The following TRIM33 variants were observed in gnomAD, a reference collection of about 807,000 sequenced individuals.
The protein encoded by TRIM33 is tripartite motif containing 33, also known as E3 ubiquitin-protein ligase TRIM33.
Under a neutral mutation model 125.4 loss-of-function variants are expected in TRIM33, and 20 were observed. The observed-to-expected ratio is 0.16, with a 90% CI of 0.11 to 0.23. The LOEUF is 0.23. Among genes scored for constraint, TRIM33 ranks in the 10% least tolerant of loss-of-function variants. TRIM33 has a pLI of 1.00. For synonymous variants in TRIM33, 564 were observed against 513.9 expected (o/e 1.10, Z -1.32); for missense variants, 920 against 1,411.4 (o/e 0.65, Z 5.58).
At chr1:114,461,288 ATAT>A (rs1649979081) in intron 4 of TRIM33, among the ~76,000 whole-genome samples, 1 of 134,352 alleles carries the variant, frequency 7.4e-6, no homozygotes, top group African/African-American at 2.8e-5. Context: ...TTATTATTAT[ATAT>A]TTATATATTA....
chr1:114,425,526 G>A lies in TRIM33; in HGVS notation c.1618C>T (p.Pro540Ser), dbSNP rs771948580. ...QLQQMRMQQP[P>S]APVPTTTTTT... ...GTTGTTGTAGTTGGTACAGGTGCTGGTGGTTGCTGCATCCTCATCTGTTGC... is the reference window on the plus strand; with the variant it reads ...GTTGTTGTAGTTGGTACAGGTGCTGATGGTTGCTGCATCCTCATCTGTTGC... Residue 540 changes from proline (P) to serine (S), a missense_variant, in exon 9 of 20, where the codon CCA becomes TCA. Around this residue, in one of 8 missense-constraint regions of TRIM33, gnomAD observed 407 missense variants for 589.7 expected, o/e 0.69. Coordinates refer to ENST00000358465, the MANE Select transcript of TRIM33 (RefSeq NM_015906.4). 1 of 1,614,122 alleles carries A rather than the reference G, an allele frequency of 6.2e-7. No individual in the cohort carries two copies. The highest frequency in any genetic ancestry group is 8.5e-7 in the Non-Finnish European group (1 of 1,180,004).
At chr1:114,451,690 T>C (rs1411028086) in intron 4 of TRIM33, among the ~76,000 whole-genome samples, 1 of 151,780 alleles carries the variant, frequency 6.6e-6, no homozygotes, top group African/African-American at 2.4e-5. Flanking sequence ...CAGCCAATAA[T>C]AGCTAAACTG....
At position 114,397,606 on chromosome 1, in the gene TRIM33, C is replaced by CTTT; in HGVS notation, c.*41_*42insAAA. 9 of 289,426 alleles carry CTTT rather than the reference C, an allele frequency of 3.1e-5. No homozygotes were observed. The highest frequency in any genetic ancestry group is 1.5e-4 in the South Asian group (2 of 13,336). The allele number at this position is 289,426 out of a possible 1,614,324, so 17.9% of individuals were successfully genotyped here. On this transcript the variant is annotated 3_prime_UTR_variant, in exon 20 of 20. Coordinates refer to ENST00000358465, the MANE Select transcript of TRIM33 (RefSeq NM_015906.4). Reference sequence around the variant, plus strand: ...TTTTTTGTGTTTTTTTTTTTTTTTTCGTTTTTTTTTTTTTAAACAATTGAT... The same window carrying CTTT: ...TTTTTTGTGTTTTTTTTTTTTTTTTCTTTGTTTTTTTTTTTTTAAACAATTGAT...
intron 1 of TRIM33, among the ~76,000 whole-genome samples, chr1:114,469,906 T>C (rs1317124116): frequency 6.6e-6 from 1 of 152,206 alleles, no homozygotes; most frequent in Non-Finnish European, 1.5e-5. Flanking sequence ...AAATAATTTA[T>C]AATAAAAATG....
Position 114,427,790 on chromosome 1 carries a change from A to G in TRIM33, c.1260T>C (p.Ile420=), listed in dbSNP as rs765231917. The change falls in exon 7 of 20, where the codon ATT becomes ATC. Residue 420 remains isoleucine (I), a synonymous_variant. Transcript: ENST00000358465. ...GTAGTGCTGTGCTGCTGCCACTTGCAATTGCCCAATTTGTGAAGTTCATAA... is the reference window on the plus strand; with the variant it reads ...GTAGTGCTGTGCTGCTGCCACTTGCGATTGCCCAATTTGTGAAGTTCATAA... ...KHVMNFTNWA[I]ASGSSTALLY... 2 of 1,614,152 alleles carry G rather than the reference A, an allele frequency of 1.2e-6. No homozygotes were observed. Among genetic ancestry groups the G allele is most frequent in the South Asian group, 2.2e-5 (2 of 91,090 alleles).
chr1:114,406,992 T>C lies in TRIM33; in HGVS notation c.2367A>G (p.Ser789=), dbSNP rs1652287156. The change falls in exon 14 of 20, where the codon TCA becomes TCG. Residue 789 remains serine, a synonymous_variant. Coordinates refer to ENST00000358465, the MANE Select transcript of TRIM33 (RefSeq NM_015906.4). ...PGTEDEICSF[S]GGVKQEKTED... ...CTGTTTTTTCTTGTTTTACACCTCC[T>C]GAAAAGCTACATATTTCATCTTCAG... The C allele has an allele frequency of 1.2e-6, 2 of 1,614,068 alleles. No individual in the cohort carries two copies. Among genetic ancestry groups the C allele is most frequent in the East Asian group, 2.2e-5 (1 of 44,870 alleles).
In TRIM33 at chr1:114,406,873, T is replaced by C. The variant is rs193178639; in HGVS notation, c.2418+68A>G. ...CTAGACCCACTACTTAGTCTTAATA[T>C]ACTCAGAGCTGAAAGAATCAATGAA... On this transcript the variant is annotated intron_variant, in intron 14 of 19. Transcript: ENST00000358465. 7.4e-5 allele frequency: 109 copies of C among 1,472,488 alleles called. No individual in the cohort carries two copies. The African/African-American group carries it at 1.4e-3, about 19-fold the overall frequency. 91.2% of individuals were successfully genotyped at this position (1,472,488 alleles called of 1,614,324 possible).
chr1:114,504,148 T>C (rs1477370604), intron 1 of TRIM33, among the ~76,000 whole-genome samples: 4 of 151,050 alleles, frequency 2.6e-5, no homozygotes, highest in African/African-American at 7.3e-5. Flanking sequence ...GCCATTATCC[T>C]TTTTTTTTAT....
chr1:114,474,662 C>G (rs1342241628), intron 1 of TRIM33, among the ~76,000 whole-genome samples: 1 of 149,708 alleles, frequency 6.7e-6, no homozygotes. Flanking sequence ...GAGGCCAAGG[C>G]AGGCAGATCA....
At chr1:114,497,793 T>C (rs1054770522) in intron 1 of TRIM33, among the ~76,000 whole-genome samples, 1 of 151,052 alleles carries the variant, frequency 6.6e-6, no homozygotes, top group South Asian at 2.1e-4. Flanking sequence ...GAATCTTCCA[T>C]CAGAACTGTA....
chr1:114,444,512 C>G (rs1031392656), intron 4 of TRIM33, among the ~76,000 whole-genome samples: 2 of 152,154 alleles, frequency 1.3e-5, no homozygotes, highest in Non-Finnish European at 2.9e-5. Context: ...GTAAGCTGTA[C>G]CTTAGGCCTG....
intron 1 of TRIM33, among the ~76,000 whole-genome samples, chr1:114,471,741 C>G (rs116005633): frequency 0.02 from 3,017 of 152,128 alleles, 93 homozygotes; most frequent in African/African-American, 0.069. Context: ...TACTGTACAA[C>G]AATGAAGGAC....
intron 1 of TRIM33, among the ~76,000 whole-genome samples, chr1:114,496,355 T>C (rs1239622325): frequency 6.6e-6 from 1 of 152,246 alleles, no homozygotes; most frequent in African/African-American, 2.4e-5. Context: ...GTGGAATTCA[T>C]TCTGGCAGTC....
At chr1:114,441,612 C>G (rs1273582610) in intron 4 of TRIM33, among the ~76,000 whole-genome samples, 1 of 152,152 alleles carries the variant, frequency 6.6e-6, no homozygotes, top group Non-Finnish European at 1.5e-5. Context: ...TGTAAATAAT[C>G]AGAGGTAAAG....
rs528656811 is a variant in TRIM33, at chr1:114,505,850, G to A, written c.526+4701C>T. Among the ~76,000 whole-genome samples, 5 of 152,286 alleles carry A rather than the reference G, an allele frequency of 3.3e-5. No individual in the cohort carries two copies. The South Asian group carries it at 6.2e-4, about 19-fold the overall frequency. On this transcript the variant is annotated intron_variant, in intron 1 of 19. Transcript: ENST00000358465. ...CCCAAAGTGCTGGGATCACAGGCAT[G>A]AGCCACTGTGCCCAGTCCACAGTAA... is the stretch of plus-strand genomic sequence containing the variant.
At chr1:114,462,734 T>C (rs1650070417) in intron 4 of TRIM33, among the ~76,000 whole-genome samples, 1 of 152,178 alleles carries the variant, frequency 6.6e-6, no homozygotes, top group Non-Finnish European at 1.5e-5. Flanking sequence ...ATGAAATCAG[T>C]GTATTTGTGA....
intron 4 of TRIM33, among the ~76,000 whole-genome samples, chr1:114,445,096 C>G (rs6537828): frequency 0.35 from 53,314 of 152,002 alleles, 10,029 homozygotes; most frequent in African/African-American, 0.46. Flanking sequence ...ATGTGACCAT[C>G]AACACACATC....
In TRIM33 at chr1:114,408,746, A is replaced by G. The variant is rs1053490881; in HGVS notation, c.2195-6T>C. 3 of 1,585,948 alleles carry G rather than the reference A, an allele frequency of 1.9e-6. No homozygotes were observed. The highest frequency in any genetic ancestry group is 2.6e-6 in the Non-Finnish European group (3 of 1,160,626). ...TGTGTGAGAATTGGATAAACCTAAA[A>G]AGTAGTAAGTCAAAATGAATATCAA... On this transcript the variant is annotated splice_polypyrimidine_tract_variant and splice_region_variant and intron_variant, in intron 12 of 19. Coordinates refer to ENST00000358465, the MANE Select transcript of TRIM33 (RefSeq NM_015906.4).
chr1:114,494,477 T>C (rs1042728506), intron 1 of TRIM33, among the ~76,000 whole-genome samples: 1 of 152,216 alleles, frequency 6.6e-6, no homozygotes, highest in African/African-American at 2.4e-5. Flanking sequence ...GGGAAAGTAC[T>C]GTTTACTCAA....
Sources: allele counts gnomAD v4.1 joint callset (sites outside exome capture counted in the v4.1 genomes callset), GRCh38; gene constraint gnomAD v4.1.1; regional missense constraint gnomAD v4.1.1; transcripts MANE v1.5; gene names NCBI Gene and HGNC (gene_info 2026-07-23, HGNC 2026-07-21).